C5orf46: variants seen among roughly 807,000 people sequenced by gnomAD.
The protein encoded by C5orf46 is uncharacterized protein C5orf46.
C5orf46 carries 9 observed loss-of-function variants against 8.9 expected under a neutral mutation model. The ratio of observed to expected loss-of-function variants is 1.01; its 90% CI spans 0.61 to 1.76. The LOEUF is 1.76. Among genes scored for constraint, C5orf46 ranks in the 40% most tolerant of loss-of-function variants. The probability of loss-of-function intolerance (pLI) is 0.00; values close to 1 mark genes in which losing one functional copy is unlikely to be tolerated. For synonymous variants in C5orf46, 47 were observed against 41.4 expected (o/e 1.14, Z -0.52); for missense variants, 98 against 107.8 (o/e 0.91, Z 0.40).
intron 2 of C5orf46, chr5:147,887,495 A>G (rs1757440223): frequency 6.6e-6 from 1 of 152,178 alleles, no homozygotes; most frequent in South Asian, 2.1e-4. Flanking sequence ...AATAACAGTG[A>G]TAGCTATTGG....
intron 3 of C5orf46, among the ~76,000 whole-genome samples, chr5:147,896,342 A>T (rs1215580148): frequency 6.6e-6 from 1 of 152,158 alleles, no homozygotes; most frequent in African/African-American, 2.4e-5. Flanking sequence ...TTGCATAGTG[A>T]TTATGAATTA....
chr5:147,899,244 A>AG, intron 2 of C5orf46, among the ~76,000 whole-genome samples: 1 of 152,180 alleles, frequency 6.6e-6, no homozygotes, highest in East Asian at 1.9e-4. Context: ...AAATTATTTG[A>AG]GGAGAAGGGA....
intron 3 of C5orf46, among the ~76,000 whole-genome samples, chr5:147,895,170 C>A (rs1042461899): frequency 4.6e-5 from 7 of 152,038 alleles, no homozygotes; most frequent in Non-Finnish European, 7.4e-5. Flanking sequence ...TGCCTATAAT[C>A]GGAACAGTTT....
intron 2 of C5orf46, chr5:147,887,515 G>A (rs1012600470): frequency 6.6e-5 from 10 of 152,032 alleles, no homozygotes; most frequent in African/African-American, 2.4e-4. Context: ...GTCATTCATT[G>A]TTTCCTCCAT....
At chr5:147,904,397 A>G (rs2127132646) in intron 1 of C5orf46, among the ~76,000 whole-genome samples, 1 of 152,334 alleles carries the variant, frequency 6.6e-6, no homozygotes, top group East Asian at 1.9e-4. Context: ...TTAACTCCAC[A>G]AAGCACATTA....
In C5orf46 at chr5:147,894,557, T is replaced by C. The variant is rs1757550947; in HGVS notation, c.*10-1618A>G. 1.3e-5 allele frequency among the ~76,000 whole-genome samples: 2 copies of C among 152,148 alleles called. 1 individual carries two copies. The highest frequency in any genetic ancestry group is 4.1e-4 in the South Asian group (2 of 4,824). The stretch of plus-strand genomic sequence containing the variant: ...TAATGCTTATCCCCTCCTCCAGATA[T>C]TCCTTCTTATCTTTTCCAAGGCATT... On this transcript the variant is annotated intron_variant, in intron 3 of 3. Coordinates refer to ENST00000318315, the MANE Select transcript of C5orf46 (RefSeq NM_206966.3).
intron 2 of C5orf46, among the ~76,000 whole-genome samples, chr5:147,899,951 G>A (rs150122231): frequency 6.6e-6 from 1 of 152,310 alleles, no homozygotes; most frequent in African/African-American, 2.4e-5. Flanking sequence ...CCATTTCTGA[G>A]CCTAGAGCGG....
At chr5:147,886,747 TTG>T (rs1757426234) in intron 2 of C5orf46, 1 of 150,944 alleles carries the variant, frequency 6.6e-6, no homozygotes, top group African/African-American at 2.4e-5. Context: ...GTATATTATA[TTG>T]TTTCTAATAT....
downstream of C5orf46, among the ~76,000 whole-genome samples, chr5:147,887,866 T>C (rs1359375247): frequency 6.6e-6 from 1 of 152,138 alleles, no homozygotes; most frequent in Non-Finnish European, 1.5e-5. Flanking sequence ...TGCATGAATA[T>C]CCTGAGGATA....
At chr5:147,897,188 C>T (rs1757594416) in intron 2 of C5orf46, 147 bp from the exon 3 acceptor site, 1 of 435,532 alleles carries the variant, frequency 2.3e-6, no homozygotes, top group Non-Finnish European at 4.1e-6. Context: ...AAAATTTCTA[C>T]ATAGTTCATA....
chr5:147,890,256 G>T, downstream of C5orf46, among the ~76,000 whole-genome samples: 1 of 152,110 alleles, frequency 6.6e-6, no homozygotes, highest in East Asian at 1.9e-4. Context: ...ATATTCAACT[G>T]TGTACCCTTA....
At chr5:147,898,129 A>C (rs1485306751) in intron 2 of C5orf46, among the ~76,000 whole-genome samples, 1 of 152,136 alleles carries the variant, frequency 6.6e-6, no homozygotes, top group Admixed American at 6.6e-5. Flanking sequence ...AATTGATGAG[A>C]CAGAAGGTGG....
chr5:147,905,535 C>T (rs1757737958), intron 1 of C5orf46, among the ~76,000 whole-genome samples: 1 of 152,164 alleles, frequency 6.6e-6, no homozygotes, highest in African/African-American at 2.4e-5. Flanking sequence ...AGCCAAGTTA[C>T]ATTCAAAGGA....
At chr5:147,903,034 G>A (rs1212385935) in intron 1 of C5orf46, among the ~76,000 whole-genome samples, 3 of 152,150 alleles carry the variant, frequency 2.0e-5, no homozygotes, top group African/African-American at 7.2e-5. Context: ...CCATTGGAAT[G>A]AGGGCCAAGG....
At chr5:147,890,112 G>A (rs1189406352), downstream of C5orf46, among the ~76,000 whole-genome samples, 1 of 152,104 alleles carries the variant, frequency 6.6e-6, no homozygotes, top group Non-Finnish European at 1.5e-5. Context: ...AGCATGAATG[G>A]TTCTTTGTGC....
intron 2 of C5orf46, 87 bp from the exon 3 acceptor site, chr5:147,897,128 G>T: frequency 1.8e-6 from 1 of 560,048 alleles, no homozygotes; most frequent in Non-Finnish European, 3.1e-6. Flanking sequence ...TAATGTTTGA[G>T]CCACACTGTT....
At chr5:147,891,443 G>A (rs1308262576), downstream of C5orf46, among the ~76,000 whole-genome samples, 4 of 152,108 alleles carry the variant, frequency 2.6e-5, no homozygotes, top group South Asian at 2.1e-4. Flanking sequence ...TCTATAGATC[G>A]TTGGAGATCT....
chr5:147,892,778 AG>A lies in C5orf46; in HGVS notation c.*170del, dbSNP rs1385383840. The A allele has an allele frequency of 2.6e-5, 4 of 152,358 alleles. No individual in the cohort carries two copies. In the East Asian group the frequency reaches 7.7e-4, roughly 29 times the overall value. 9.4% of individuals were successfully genotyped at this position (152,358 alleles called of 1,614,324 possible). On this transcript the variant is annotated 3_prime_UTR_variant, in exon 4 of 4. Coordinates refer to ENST00000318315, the MANE Select transcript of C5orf46 (RefSeq NM_206966.3). ...ACTTTCTAAAAGCAAAAATGCAGTC[AG>A]GGTGTTCAAAATGAGTTCTGTTTGG...
intron 3 of C5orf46, among the ~76,000 whole-genome samples, chr5:147,894,095 T>C (rs1757545073): frequency 1.3e-5 from 2 of 152,148 alleles, no homozygotes; most frequent in African/African-American, 4.8e-5. Flanking sequence ...CATAAAAGTC[T>C]AGTGTGTCCT....
Sources: allele counts gnomAD v4.1 joint callset (sites outside exome capture counted in the v4.1 genomes callset), GRCh38; gene constraint gnomAD v4.1.1; transcripts MANE v1.5; gene names NCBI Gene and HGNC (gene_info 2026-07-23, HGNC 2026-07-21).